Variants in NRXN3 observed in about 807,000 individuals in gnomAD.
NRXN3 encodes the protein neurexin III.
In NRXN3, 32 loss-of-function variants were observed where a neutral mutation model predicts 137.6. The observed-to-expected ratio is 0.23, with a 90% CI of 0.18 to 0.31. The LOEUF (loss-of-function observed/expected upper bound fraction) is 0.31, where lower values mean the gene tolerates loss of function less well. NRXN3 is among the 10% of genes least tolerant of loss of function. NRXN3 has a pLI of 1.00. For missense variants in NRXN3, 1,574 were observed against 2,062.5 expected, an observed-to-expected ratio of 0.76 and a Z score of 4.59; for synonymous variants, 798 against 784.5, an observed-to-expected ratio of 1.02 and a Z score of -0.29.
At chr14:78,883,339 A>C (rs2099134707) in intron 10 of NRXN3, among the ~76,000 whole-genome samples, 1 of 152,218 alleles carries the variant, frequency 6.6e-6, no homozygotes, top group Admixed American at 6.5e-5. Flanking sequence ...TGGAAGAGAG[A>C]CTAAGTTAAT....
chr14:79,833,722 T>A (rs1326253817), intron 20 of NRXN3, among the ~76,000 whole-genome samples: 2 of 152,162 alleles, frequency 1.3e-5, no homozygotes, highest in African/African-American at 4.8e-5. Flanking sequence ...TCTTAGCAGC[T>A]CATCTGTAGA....
intron 15 of NRXN3, among the ~76,000 whole-genome samples, chr14:79,314,852 G>A (rs1038800724): frequency 4.7e-5 from 7 of 150,470 alleles, no homozygotes; most frequent in Admixed American, 4.6e-4. Context: ...GCAGCTGAGG[G>A]TCCTGTCTGT....
At chr14:79,625,348 A>G (rs2098270970) in intron 16 of NRXN3, among the ~76,000 whole-genome samples, 2 of 152,212 alleles carry the variant, frequency 1.3e-5, no homozygotes, top group Admixed American at 6.5e-5. Flanking sequence ...AAATAACTAT[A>G]AAGACATGAA....
At chr14:79,823,159 C>T (rs2049832) in intron 20 of NRXN3, among the ~76,000 whole-genome samples, 91,327 of 151,678 alleles carry the variant, frequency 0.6, 27,902 homozygotes, top group African/African-American at 0.72. Context: ...GTATCTACGT[C>T]CTCATCCCCT....
intron 15 of NRXN3, among the ~76,000 whole-genome samples, chr14:79,237,404 C>T (rs1243727754): frequency 1.3e-5 from 2 of 152,054 alleles, no homozygotes; most frequent in African/African-American, 4.8e-5. Context: ...AAATTCAACA[C>T]AACCTGGAAA....
At position 79,861,844 on chromosome 14, in the gene NRXN3, G is replaced by C. The variant is rs748399684; in HGVS notation, c.4596G>C (p.Glu1532Asp). The change falls in exon 21 of 21, where the codon GAG (glutamate) becomes GAC (aspartate). Residue 1532 changes from glutamate (E) to aspartate (D), a missense_variant. Glu to Asp is a conservative substitution (Grantham distance 45). This residue lies in a region of NRXN3 where 320 missense variants were observed against 387.1 expected (regional missense o/e 0.83). Coordinates refer to ENST00000335750, the MANE Select transcript of NRXN3 (RefSeq NM_001330195.2). This position sits in a 1 kb window ranked among gnomAD's most constrained non-coding sequence, Gnocchi z 5.4. ...NRDEGSYQVD[E>D]TRNYISNSAQ... ...ACGAGGGGTCCTATCAAGTGGACGA[G>C]ACGCGGAACTACATCAGCAACTCCG... 7.4e-6 allele frequency: 12 copies of C among 1,614,012 alleles called. No homozygotes were observed. The highest frequency in any genetic ancestry group is 1.0e-5 in the Non-Finnish European group (12 of 1,180,030).
chr14:78,355,847 A>T (rs1192286048), intron 4 of NRXN3, among the ~76,000 whole-genome samples: 7 of 152,228 alleles, frequency 4.6e-5, no homozygotes, highest in African/African-American at 1.7e-4. Context: ...TGAGGCATTC[A>T]GAGAATCATA....
chr14:78,297,915 C>T (rs1211624498), intron 4 of NRXN3, 55 bp downstream of exon 4: 16 of 1,534,206 alleles, frequency 1.0e-5, no homozygotes, highest in Non-Finnish European at 2.6e-6. Context: ...GCCTCCGTGC[C>T]TCTGGCTGGT....
chr14:79,280,371 G>C, intron 15 of NRXN3: 2 of 1,614,016 alleles, frequency 1.2e-6, no homozygotes, highest in Middle Eastern at 1.7e-4. Context: ...CTGTTCTGGG[G>C]ATGTATCGTC....
At chr14:79,626,537 C>T (rs1286931080) in intron 16 of NRXN3, among the ~76,000 whole-genome samples, 7 of 152,086 alleles carry the variant, frequency 4.6e-5, no homozygotes, top group African/African-American at 1.7e-4. Flanking sequence ...TCCATGAACC[C>T]ACATTTTCTC....
At chr14:79,544,517 T>C (rs1312182127) in intron 16 of NRXN3, among the ~76,000 whole-genome samples, 2 of 152,196 alleles carry the variant, frequency 1.3e-5, no homozygotes, top group East Asian at 3.9e-4. Flanking sequence ...CCATTTCTGT[T>C]GGATGAGATT....
chr14:79,550,450 G>A (rs1432869668), intron 16 of NRXN3, among the ~76,000 whole-genome samples: 1 of 152,078 alleles, frequency 6.6e-6, no homozygotes, highest in Non-Finnish European at 1.5e-5. Flanking sequence ...CTCCTTGTTT[G>A]TGTCTTTCAT....
intron 1 of NRXN3, among the ~76,000 whole-genome samples, chr14:78,171,565 A>G (rs1275833245): frequency 6.6e-6 from 1 of 151,644 alleles, no homozygotes; most frequent in African/African-American, 2.4e-5. Context: ...CCAGAGTTTC[A>G]GCTCTTTCCC....
chr14:78,961,142 T>G (rs1283192525), intron 11 of NRXN3, among the ~76,000 whole-genome samples: 1 of 152,066 alleles, frequency 6.6e-6, no homozygotes, highest in African/African-American at 2.4e-5. Context: ...TAGGGAATTA[T>G]GGGCAAAATA....
intron 16 of NRXN3, among the ~76,000 whole-genome samples, 163 bp downstream of exon 16, chr14:79,467,565 G>A (rs2096445429): frequency 6.6e-6 from 1 of 152,074 alleles, no homozygotes; most frequent in African/African-American, 2.4e-5. Context: ...GTTCCTGGGG[G>A]AAAAAAACTT....
At chr14:78,508,369 C>T (rs1290081251) in intron 4 of NRXN3, among the ~76,000 whole-genome samples, 1 of 152,198 alleles carries the variant, frequency 6.6e-6, no homozygotes, top group Non-Finnish European at 1.5e-5. Flanking sequence ...CAGTGTCCCA[C>T]AAGGGTGAAG....
intron 15 of NRXN3, among the ~76,000 whole-genome samples, chr14:79,096,491 G>T (rs966173474): frequency 6.6e-6 from 1 of 151,898 alleles, no homozygotes; most frequent in Non-Finnish European, 1.5e-5. Context: ...CTTGTTACTT[G>T]TGTTCCACCA....
At chr14:78,228,675 G>A (rs1351464810) in intron 1 of NRXN3, among the ~76,000 whole-genome samples, 1 of 152,130 alleles carries the variant, frequency 6.6e-6, no homozygotes, top group Non-Finnish European at 1.5e-5. Flanking sequence ...GGGAGATTAG[G>A]TAATTGTCAG....
intron 4 of NRXN3, among the ~76,000 whole-genome samples, chr14:78,405,651 C>G (rs1254528166): frequency 2.0e-5 from 3 of 151,840 alleles, no homozygotes; most frequent in African/African-American, 7.3e-5. Context: ...CCTGCAACTG[C>G]AGGGCTGGGA....
Sources: allele counts gnomAD v4.1 joint callset (sites outside exome capture counted in the v4.1 genomes callset), GRCh38; gene constraint gnomAD v4.1.1; regional missense constraint gnomAD v4.1.1; non-coding constraint Gnocchi (gnomAD v3.1); transcripts MANE v1.5; gene names NCBI Gene and HGNC (gene_info 2026-07-23, HGNC 2026-07-21).